STIM2: variants seen among roughly 807,000 people sequenced by gnomAD.
STIM2 encodes stromal interaction molecule 2.
In STIM2, 31 loss-of-function variants were observed where a neutral mutation model predicts 85.8. The observed-to-expected ratio is 0.36, with a 90% CI of 0.27 to 0.49. The LOEUF is 0.49. STIM2 is among the 20% of genes least tolerant of loss of function. The pLI, the probability that STIM2 is intolerant of heterozygous loss-of-function variation, is 0.98. For synonymous variants in STIM2, 356 were observed against 331.1 expected (o/e 1.08, Z -0.82); for missense variants, 841 against 927.6 (o/e 0.91, Z 1.21).
At chr4:26,867,859 GTC>G (rs1479617298) in intron 1 of STIM2, among the ~76,000 whole-genome samples, 1 of 152,192 alleles carries the variant, frequency 6.6e-6, no homozygotes, top group African/African-American at 2.4e-5. Context: ...TCCCTCTTAA[GTC>G]TCTGTTCTCA....
intron 1 of STIM2, among the ~76,000 whole-genome samples, chr4:26,875,286 A>T (rs1722776243): frequency 6.6e-6 from 1 of 152,220 alleles, no homozygotes; most frequent in African/African-American, 2.4e-5. Context: ...TTATAGAAAT[A>T]TGCACATATG....
At chr4:26,970,183 C>T (rs1316632853) in intron 3 of STIM2, among the ~76,000 whole-genome samples, 3 of 138,078 alleles carry the variant, frequency 2.2e-5, no homozygotes, top group African/African-American at 8.3e-5. Context: ...GATATTGTTT[C>T]GGTTTTAGTG....
At chr4:26,891,298 T>G (rs1476783611) in intron 1 of STIM2, among the ~76,000 whole-genome samples, 1 of 152,172 alleles carries the variant, frequency 6.6e-6, no homozygotes, top group Non-Finnish European at 1.5e-5. Flanking sequence ...GAGCAGAAAC[T>G]GAGGTTTCCT....
At chr4:26,968,313 A>G (rs1439798545) in intron 3 of STIM2, among the ~76,000 whole-genome samples, 1 of 152,192 alleles carries the variant, frequency 6.6e-6, no homozygotes, top group African/African-American at 2.4e-5. Context: ...GAATGAATGG[A>G]TAAGCAAAAT....
At chr4:26,893,822 C>G (rs947697549) in intron 1 of STIM2, among the ~76,000 whole-genome samples, 2 of 151,860 alleles carry the variant, frequency 1.3e-5, no homozygotes, top group Admixed American at 6.6e-5. Context: ...ATCTAGATTT[C>G]CTCTTTTGGA....
chr4:26,950,078 C>T (rs1027859482), intron 2 of STIM2, among the ~76,000 whole-genome samples: 2 of 152,164 alleles, frequency 1.3e-5, no homozygotes, highest in South Asian at 4.1e-4. Context: ...GAAATAATTA[C>T]CTGGCCTTCC....
At chr4:26,980,389 G>A (rs2109112829) in intron 3 of STIM2, among the ~76,000 whole-genome samples, 1 of 151,852 alleles carries the variant, frequency 6.6e-6, no homozygotes, top group South Asian at 2.1e-4. Flanking sequence ...TTAATAACTT[G>A]TTGGTTTGTC....
At chr4:26,861,445 T>A in intron 1 of STIM2, 76 bp downstream of exon 1, 1 of 1,239,210 alleles carries the variant, frequency 8.1e-7, no homozygotes, top group South Asian at 3.2e-5. Context: ...GGTCAGCATC[T>A]CCGCCGGACG....
chr4:26,910,595 T>C (rs556207160), intron 1 of STIM2, among the ~76,000 whole-genome samples: 1 of 152,182 alleles, frequency 6.6e-6, no homozygotes, highest in African/African-American at 2.4e-5. Flanking sequence ...TCAGTGAATA[T>C]AGAGATAAAT....
intron 2 of STIM2, among the ~76,000 whole-genome samples, chr4:26,930,143 A>T (rs1466446038): frequency 1.5e-4 from 23 of 152,178 alleles, no homozygotes; most frequent in Non-Finnish European, 2.9e-5. Context: ...ATCTGTTAAG[A>T]TTGAATTGTT....
chr4:26,952,620 A>G (rs995755088), intron 2 of STIM2, among the ~76,000 whole-genome samples: 1 of 152,092 alleles, frequency 6.6e-6, no homozygotes, highest in African/African-American at 2.4e-5. Flanking sequence ...TAAAACAAGT[A>G]GGAGATTTGA....
At chr4:26,888,242 A>G (rs996939176) in intron 1 of STIM2, among the ~76,000 whole-genome samples, 18 of 152,196 alleles carry the variant, frequency 1.2e-4, no homozygotes, top group African/African-American at 4.3e-4. Context: ...AATGATACTT[A>G]ATCTCCAAAT....
intron 3 of STIM2, among the ~76,000 whole-genome samples, chr4:26,975,701 A>G (rs1272118847): frequency 1.3e-5 from 2 of 152,202 alleles, no homozygotes; most frequent in African/African-American, 4.8e-5. Flanking sequence ...GTTAGGCTAC[A>G]CAGGGATCAG....
chr4:26,879,571 C>T (rs1445651907), intron 1 of STIM2, among the ~76,000 whole-genome samples: 1 of 152,120 alleles, frequency 6.6e-6, no homozygotes, highest in African/African-American at 2.4e-5. Context: ...ATTCTCCCAA[C>T]AACTCTATGA....
At chr4:26,889,861 C>T (rs542097137) in intron 1 of STIM2, among the ~76,000 whole-genome samples, 10 of 152,304 alleles carry the variant, frequency 6.6e-5, no homozygotes, top group African/African-American at 2.4e-4. Flanking sequence ...TCAGCATTCA[C>T]GTGGGACACA....
chr4:26,871,633 G>T (rs1027237425), intron 1 of STIM2, among the ~76,000 whole-genome samples: 1 of 151,574 alleles, frequency 6.6e-6, no homozygotes, highest in Non-Finnish European at 1.5e-5. Flanking sequence ...AAGGATGACG[G>T]AATGTAATTT....
intron 10 of STIM2, among the ~76,000 whole-genome samples, chr4:27,016,718 A>C (rs1252466771): frequency 6.6e-6 from 1 of 152,214 alleles, no homozygotes; most frequent in Non-Finnish European, 1.5e-5. Context: ...TATCCAGAGC[A>C]CTGACTCATT....
At chr4:26,968,320 A>G (rs970539791) in intron 3 of STIM2, among the ~76,000 whole-genome samples, 1 of 152,168 alleles carries the variant, frequency 6.6e-6, no homozygotes, top group Non-Finnish European at 1.5e-5. Flanking sequence ...TGGATAAGCA[A>G]AATGTGGAAT....
At chr4:26,945,636 G>A (rs916222611) in intron 2 of STIM2, among the ~76,000 whole-genome samples, 1 of 152,082 alleles carries the variant, frequency 6.6e-6, no homozygotes, top group Admixed American at 6.6e-5. Context: ...TTTAATAATA[G>A]CCATTCTGAC....
Sources: allele counts gnomAD v4.1 joint callset (sites outside exome capture counted in the v4.1 genomes callset), GRCh38; gene constraint gnomAD v4.1.1; transcripts MANE v1.5; gene names NCBI Gene and HGNC (gene_info 2026-07-23, HGNC 2026-07-21).